The following CNTN6 variants were observed in gnomAD, a reference collection of about 807,000 sequenced individuals.
CNTN6 encodes the protein contactin 6, also known as contactin-6.
CNTN6 carries 137 observed loss-of-function variants against 122.8 expected under a neutral mutation model. The observed-to-expected ratio is 1.12, with a 90% CI of 0.97 to 1.29. The LOEUF is 1.29. CNTN6 is among the 50% of genes most tolerant of loss of function. The pLI, the probability that CNTN6 is intolerant of heterozygous loss-of-function variation, is 0.00. For synonymous variants in CNTN6, 570 were observed against 426.0 expected (o/e 1.34, Z -4.16); for missense variants, 1,634 against 1,223.4 (o/e 1.34, Z -5.01).
intron 12 of CNTN6, among the ~76,000 whole-genome samples, chr3:1,367,732 G>A (rs1708442379): frequency 1.3e-5 from 2 of 152,098 alleles, no homozygotes. Flanking sequence ...TGCTTGCCTG[G>A]GTAGTCATAG....
At chr3:1,115,593 CA>C (rs921456785) in intron 1 of CNTN6, among the ~76,000 whole-genome samples, 3 of 150,620 alleles carry the variant, frequency 2.0e-5, no homozygotes, top group East Asian at 2.0e-4. Context: ...ACTAAAAATC[CA>C]AAAAAAAATT....
At position 1,301,024 on chromosome 3, in the gene CNTN6, CTTTTTT is replaced by C. The variant is rs562912841; in HGVS notation, c.761+3058_761+3063del. ...AATTTATAATACAGGAGTCCCTAAA[CTTTTTT>C]TTTTTTTTTTTTTTTTTTTTTTTTG... On this transcript the variant is annotated intron_variant, in intron 7 of 22. Transcript: ENST00000446702. 1.3e-3 allele frequency among the ~76,000 whole-genome samples: 117 copies of C among 93,248 alleles called. 2 individuals carry two copies. The highest frequency in any genetic ancestry group is 3.2e-3 in the African/African-American group (74 of 23,100). 61.2% of individuals were successfully genotyped at this position (93,248 alleles called of 152,430 possible).
chr3:1,150,095 G>C lies in CNTN6; in HGVS notation c.55+2032G>C, dbSNP rs533828724. Among the ~76,000 whole-genome samples the C allele has an allele frequency of 5.9e-5, 9 of 152,188 alleles. No homozygotes were observed. In the East Asian group the frequency reaches 1.7e-3, roughly 29 times the overall value. ...TAGCTACTTAAATGAGATAATCTAAGCTAAACATTGCTCCAGAGGTAAGGA... is the reference window on the plus strand; with the variant it reads ...TAGCTACTTAAATGAGATAATCTAACCTAAACATTGCTCCAGAGGTAAGGA... On this transcript the variant is annotated intron_variant, in intron 2 of 22. Coordinates refer to ENST00000446702, the MANE Select transcript of CNTN6 (RefSeq NM_001289080.2).
Position 1,295,565 on chromosome 3 carries a change from G to GT in CNTN6, c.455-32dup, listed in dbSNP as rs746140147. 15 of 1,532,316 alleles carry GT rather than the reference G, an allele frequency of 9.8e-6. No individual in the cohort carries two copies. The South Asian group carries it at 1.7e-4, about 17-fold the overall frequency. The allele number at this position is 1,532,316 out of a possible 1,614,324, so 94.9% of individuals were successfully genotyped here. ...GAATGAATGCAGTAAGGACAGTATG[G>GT]TTTTGTTTTGTTTTGTTTTGTTTCT... On this transcript the variant is annotated intron_variant, in intron 5 of 22. Transcript: ENST00000446702.
At chr3:1,160,372 A>ATATATATATATATATATATATATATAT (rs1480647240) in intron 2 of CNTN6, among the ~76,000 whole-genome samples, 1 of 138,266 alleles carries the variant, frequency 7.2e-6, no homozygotes, top group Non-Finnish European at 1.6e-5. Context: ...ATATATACAC[A>ATATATATATATATATATATATATATAT]CTACCTATAT....
chr3:1,261,038 C>T (rs929354071), intron 4 of CNTN6, among the ~76,000 whole-genome samples: 36 of 151,862 alleles, frequency 2.4e-4, no homozygotes, highest in Admixed American at 1.2e-3. Context: ...ACTCTATGTG[C>T]GATGGGGAAA....
At chr3:1,372,615 T>A in intron 13 of CNTN6, 141 bp downstream of exon 13, 3 of 807,698 alleles carry the variant, frequency 3.7e-6, no homozygotes, top group Non-Finnish European at 5.7e-6. Flanking sequence ...GTTTTTGTTT[T>A]GGTTTATTTT....
At chr3:1,281,285 C>G (rs1032940517) in intron 5 of CNTN6, among the ~76,000 whole-genome samples, 1 of 152,142 alleles carries the variant, frequency 6.6e-6, no homozygotes, top group Non-Finnish European at 1.5e-5. Flanking sequence ...ACACATGGCT[C>G]TCACAGAGAA....
chr3:1,155,130 T>C (rs2125208448), intron 2 of CNTN6, among the ~76,000 whole-genome samples: 1 of 152,296 alleles, frequency 6.6e-6, no homozygotes, highest in South Asian at 2.1e-4. Context: ...TGTCAACCTT[T>C]TTTACTGTTT....
chr3:1,152,997 T>C (rs1242306234), intron 2 of CNTN6, among the ~76,000 whole-genome samples: 2 of 152,242 alleles, frequency 1.3e-5, no homozygotes, highest in African/African-American at 2.4e-5. Flanking sequence ...ATGTATTCTC[T>C]TTTAACATTC....
At chr3:1,204,950 G>A (rs2093938274) in intron 2 of CNTN6, among the ~76,000 whole-genome samples, 1 of 152,006 alleles carries the variant, frequency 6.6e-6, no homozygotes, top group Non-Finnish European at 1.5e-5. Flanking sequence ...CAAGACAAAG[G>A]GAAATTACGG....
chr3:1,371,882 T>G (rs920160364), intron 12 of CNTN6, among the ~76,000 whole-genome samples: 5 of 152,180 alleles, frequency 3.3e-5, no homozygotes, highest in Non-Finnish European at 7.3e-5. Context: ...ACTATGGTGG[T>G]CATAATCTTA....
chr3:1,288,523 C>A (rs750965246), intron 5 of CNTN6, among the ~76,000 whole-genome samples: 1 of 152,174 alleles, frequency 6.6e-6, no homozygotes, highest in Non-Finnish European at 1.5e-5. Context: ...GTAAAGTACA[C>A]ACATTCTGGA....
chr3:1,255,425 A>AAAAG lies in CNTN6; in HGVS notation c.359-22967_359-22964dup, dbSNP rs561663204. Among the ~76,000 whole-genome samples the AAAAG allele has an allele frequency of 8.7e-3, 1,250 of 144,366 alleles. 11 individuals carry two copies. The highest frequency in any genetic ancestry group is 0.027 in the Middle Eastern group (8 of 294). 94.7% of individuals were successfully genotyped at this position (144,366 alleles called of 152,430 possible). On this transcript the variant is annotated intron_variant, in intron 4 of 22. Transcript: ENST00000446702. ...TAAGACATTTGAAAATGGAAAAAAAAAAAGAAAGAAAGAAAGAAAGAAAGG... is the reference window on the plus strand; with the variant it reads ...TAAGACATTTGAAAATGGAAAAAAAAAAAGAAAGAAAGAAAGAAAGAAAGAAAGG...
chr3:1,176,407 C>G (rs1575125935), intron 2 of CNTN6, among the ~76,000 whole-genome samples: 1 of 152,128 alleles, frequency 6.6e-6, no homozygotes, highest in Non-Finnish European at 1.5e-5. Flanking sequence ...TGAAACTCTG[C>G]CTCAGAAAAA....
At chr3:1,141,333 G>T (rs1310748529) in intron 1 of CNTN6, among the ~76,000 whole-genome samples, 1 of 152,180 alleles carries the variant, frequency 6.6e-6, no homozygotes, top group Non-Finnish European at 1.5e-5. Context: ...TCTTCACTAT[G>T]AAATCCTTTA....
Position 1,278,446 on chromosome 3 carries a change from C to G in CNTN6, c.392C>G (p.Thr131Arg). The change falls in exon 5 of 23, where the codon ACA (threonine) becomes AGA (arginine). Residue 131 changes from threonine to arginine, a missense_variant. Physicochemically the swap from Thr to Arg is moderately conservative, Grantham distance 71. Coordinates refer to ENST00000446702, the MANE Select transcript of CNTN6 (RefSeq NM_001289080.2). ...GACTTTGAAACTAAAACAAGAAGCACAGTATCTGTCCGAGAAGGTCAAGGT... is the reference window on the plus strand; with the variant it reads ...GACTTTGAAACTAAAACAAGAAGCAGAGTATCTGTCCGAGAAGGTCAAGGT... ...IEDFETKTRSTVSVREGQGVV... is the reference protein window; with the variant it reads ...IEDFETKTRSRVSVREGQGVV... 6.2e-7 allele frequency: 1 copy of G among 1,611,242 alleles called. No individual in the cohort carries two copies. Among genetic ancestry groups the G allele is most frequent in the Non-Finnish European group, 8.5e-7 (1 of 1,178,092 alleles).
intron 2 of CNTN6, among the ~76,000 whole-genome samples, chr3:1,173,563 A>G (rs559791287): frequency 7.5e-4 from 114 of 152,192 alleles, no homozygotes; most frequent in Non-Finnish European, 1.5e-3. Flanking sequence ...ATCCAATCCC[A>G]ATGCCCAAGG....
intron 4 of CNTN6, among the ~76,000 whole-genome samples, chr3:1,246,563 C>T (rs183049534): frequency 1.7e-4 from 26 of 152,020 alleles, no homozygotes; most frequent in Non-Finnish European, 2.2e-4. Flanking sequence ...TCAGAATTAT[C>T]GGGAAATTGG....
Sources: gnomAD v4.1 joint callset for allele counts (sites outside exome capture counted in the v4.1 genomes callset) on GRCh38, gnomAD v4.1.1 for gene constraint, MANE v1.5 for transcripts, NCBI Gene and HGNC (gene_info 2026-07-23, HGNC 2026-07-21) for gene names.